Variants in OPRM1 observed in about 807,000 individuals in gnomAD.
OPRM1 encodes opioid receptor mu 1.
A neutral mutation model predicts 31.8 loss-of-function variants in OPRM1; 27 were observed. The ratio of observed to expected loss-of-function variants is 0.85; its 90% CI spans 0.63 to 1.17. The LOEUF is 1.17. Among genes scored for constraint, OPRM1 ranks in the 50% most tolerant of loss-of-function variants. The pLI is 0.00. For missense variants in OPRM1, 536 were observed against 511.1 expected, an observed-to-expected ratio of 1.05 and a Z score of -0.47; for synonymous variants, 196 against 189.9, an observed-to-expected ratio of 1.03 and a Z score of -0.26.
intron 3 of OPRM1, among the ~76,000 whole-genome samples, chr6:154,165,038 C>G (rs373332261): frequency 6.6e-6 from 1 of 152,166 alleles, no homozygotes; most frequent in Non-Finnish European, 1.5e-5. Flanking sequence ...ATTGTTAAAA[C>G]AGTTTCCTTG....
chr6:154,051,827 G>A (rs545154734), intron 1 of OPRM1, among the ~76,000 whole-genome samples: 1 of 152,152 alleles, frequency 6.6e-6, no homozygotes. Context: ...CCATTACTGG[G>A]TATATACCAG....
intron 3 of OPRM1, among the ~76,000 whole-genome samples, chr6:154,174,678 C>A (rs192889152): frequency 1.2e-3 from 185 of 152,286 alleles, no homozygotes; most frequent in Non-Finnish European, 2.0e-3. Context: ...AAAGCAAGTC[C>A]TTAGAGACCT....
upstream of OPRM1, among the ~76,000 whole-genome samples, chr6:154,035,137 A>G (rs73572465): frequency 4.1e-3 from 617 of 152,328 alleles, 11 homozygotes; most frequent in African/African-American, 0.014. Context: ...AGGAAACCAA[A>G]TATCAGGAAG....
At chr6:154,221,045 G>A (rs1418453602) in intron 3 of OPRM1, among the ~76,000 whole-genome samples, 1 of 152,100 alleles carries the variant, frequency 6.6e-6, no homozygotes, top group Admixed American at 6.5e-5. Flanking sequence ...GTGGTTCCCC[G>A]AAATAGCCAC....
At chr6:154,172,186 TAGGAAC>T (rs1404698326) in intron 3 of OPRM1, among the ~76,000 whole-genome samples, 2 of 152,212 alleles carry the variant, frequency 1.3e-5, no homozygotes, top group Admixed American at 1.3e-4. Context: ...GATAGCCAAA[TAGGAAC>T]AGCTCCAGTC....
At position 154,108,878 on chromosome 6, in the gene OPRM1, A is replaced by G. The variant is rs189527247; in HGVS notation, c.1165-9805A>G. 4 of 984,832 alleles carry G rather than the reference A, an allele frequency of 4.1e-6. No homozygotes were observed. The East Asian group carries it at 4.5e-4, about 112-fold the overall frequency. 61.0% of individuals were successfully genotyped at this position (984,832 alleles called of 1,614,324 possible). A position where few individuals can be genotyped will look rare whatever the true frequency, so the allele number is the denominator to read the frequency against. ...TACTAGAAGTGTTCTCTAAAATTAA[A>G]AATACAGTAGTTACTAGAGAAAAAT... is the stretch of plus-strand genomic sequence containing the variant. On this transcript the variant is annotated intron_variant, in intron 3 of 3. Coordinates refer to ENST00000330432, the MANE Select transcript of OPRM1 (RefSeq NM_000914.5).
intron 1 of OPRM1, among the ~76,000 whole-genome samples, chr6:154,014,480 A>T (rs1005341021): frequency 2.0e-5 from 3 of 152,182 alleles, no homozygotes; most frequent in African/African-American, 7.2e-5. Context: ...TAAATTGGAC[A>T]TGCAGGATCA....
At chr6:154,015,058 A>G (rs1777929507) in intron 1 of OPRM1, among the ~76,000 whole-genome samples, 1 of 152,148 alleles carries the variant, frequency 6.6e-6, no homozygotes, top group Admixed American at 6.6e-5. Context: ...ATGAAAAGAT[A>G]TGCCATTACT....
At chr6:154,118,578 C>A in intron 3 of OPRM1, 105 bp from the exon 4 acceptor site, 3 of 1,010,028 alleles carry the variant, frequency 3.0e-6, no homozygotes, top group South Asian at 2.8e-5. Flanking sequence ...TGAAAGTATA[C>A]ATGAAGGTCT....
chr6:154,191,670 C>A (rs1801898724), intron 3 of OPRM1, among the ~76,000 whole-genome samples: 1 of 123,502 alleles, frequency 8.1e-6, no homozygotes, highest in South Asian at 3.0e-4. Context: ...TGAGACTTTG[C>A]CTCAACAACA....
chr6:154,066,009 G>A (rs1785322139), intron 1 of OPRM1, among the ~76,000 whole-genome samples: 1 of 152,040 alleles, frequency 6.6e-6, no homozygotes, highest in Non-Finnish European at 1.5e-5. Context: ...TACTTTTTCT[G>A]AATTAAATGA....
At chr6:154,073,792 C>A (rs1202519430) in intron 1 of OPRM1, 4 of 152,342 alleles carry the variant, frequency 2.6e-5, no homozygotes, top group Non-Finnish European at 1.5e-5. Context: ...CACTTAAGGC[C>A]AGGAGTTCAA....
Position 154,088,405 on chromosome 6 carries a change from C to A in OPRM1, c.291-1421C>A, listed in dbSNP as rs935243195. On this transcript the variant is annotated intron_variant, in intron 1 of 3. Coordinates refer to ENST00000330432, the MANE Select transcript of OPRM1 (RefSeq NM_000914.5). ...TTTTGGGAGCAATTGATGTCATTAT[C>A]TTCATCAGAGGTTGACATTTTTTTC... Among the ~76,000 whole-genome samples the A allele has an allele frequency of 5.3e-5, 8 of 152,320 alleles. No homozygotes were observed. The East Asian group carries it at 1.4e-3, about 26-fold the overall frequency.
intron 1 of OPRM1, among the ~76,000 whole-genome samples, chr6:154,013,654 G>A (rs897894226): frequency 6.6e-6 from 1 of 152,124 alleles, no homozygotes; most frequent in Admixed American, 6.6e-5. Context: ...TCACATTTCA[G>A]CAATACGTAT....
intron 1 of OPRM1, among the ~76,000 whole-genome samples, chr6:154,020,360 T>C (rs1415086573): frequency 6.6e-6 from 1 of 152,216 alleles, no homozygotes; most frequent in East Asian, 1.9e-4. Flanking sequence ...GTTTGGGCCA[T>C]ACTCCTGAAA....
At chr6:154,191,392 T>C (rs993010677) in intron 3 of OPRM1, among the ~76,000 whole-genome samples, 4 of 151,910 alleles carry the variant, frequency 2.6e-5, no homozygotes, top group African/African-American at 9.7e-5. Context: ...GTGAACCCCA[T>C]GCCAGGCGCG....
chr6:154,109,233 T>C (rs1796045874), intron 3 of OPRM1, among the ~76,000 whole-genome samples: 1 of 152,342 alleles, frequency 6.6e-6, no homozygotes, highest in Middle Eastern at 3.4e-3. Context: ...TTTCTTCATA[T>C]GCTTAAAGCA....
intron 1 of OPRM1, among the ~76,000 whole-genome samples, chr6:154,069,378 A>G (rs1164107622): frequency 6.6e-6 from 1 of 152,200 alleles, no homozygotes; most frequent in African/African-American, 2.4e-5. Flanking sequence ...AGCAGGGATT[A>G]CAGGTGCATG....
At chr6:154,032,638 T>A (rs1246116749) in intron 1 of OPRM1, among the ~76,000 whole-genome samples, 1 of 152,154 alleles carries the variant, frequency 6.6e-6, no homozygotes, top group Non-Finnish European at 1.5e-5. Context: ...TCTGCTATGT[T>A]GCCCAAGCTG....
Sources: allele counts gnomAD v4.1 joint callset (sites outside exome capture counted in the v4.1 genomes callset), GRCh38; gene constraint gnomAD v4.1.1; transcripts MANE v1.5; gene names NCBI Gene and HGNC (gene_info 2026-07-23, HGNC 2026-07-21).